TYW1B: variants seen among roughly 807,000 people sequenced by gnomAD.
TYW1B encodes S-adenosyl-L-methionine-dependent tRNA 4-demethylwyosine synthase TYW1B.
TYW1B carries 73 observed loss-of-function variants against 86.9 expected under a neutral mutation model. The ratio of observed to expected loss-of-function variants is 0.84; its 90% CI spans 0.70 to 1.02. TYW1B has a LOEUF of 1.02. Among genes scored for constraint, TYW1B ranks in the 50% least tolerant of loss-of-function variants. The pLI is 0.00. For missense variants in TYW1B, 637 were observed against 827.4 expected (o/e 0.77, Z 2.82); for synonymous variants, 248 against 292.8 (o/e 0.85, Z 1.56).
At chr7:72,812,187 G>A (rs1451855392) in intron 3 of TYW1B, among the ~76,000 whole-genome samples, 1 of 150,772 alleles carries the variant, frequency 6.6e-6, no homozygotes, top group Non-Finnish European at 1.5e-5. Context: ...CCTTGGGGAT[G>A]TATCAAGTCT....
At chr7:72,754,000 T>C (rs1199849248) in intron 7 of TYW1B, among the ~76,000 whole-genome samples, 2 of 152,166 alleles carry the variant, frequency 1.3e-5, no homozygotes. Context: ...ATCTCCAAGG[T>C]ACGCCTGTCA....
intron 7 of TYW1B, among the ~76,000 whole-genome samples, chr7:72,746,228 T>C (rs1554463792): frequency 6.6e-6 from 1 of 152,050 alleles, no homozygotes; most frequent in African/African-American, 2.4e-5. Context: ...TAACTATTTT[T>C]TGTTCTAATT....
At chr7:72,651,537 C>G (rs1554442798) in intron 11 of TYW1B, among the ~76,000 whole-genome samples, 1 of 152,166 alleles carries the variant, frequency 6.6e-6, no homozygotes, top group Non-Finnish European at 1.5e-5. Flanking sequence ...ATTGCTTGAA[C>G]CCGGGAGGCA....
intron 11 of TYW1B, among the ~76,000 whole-genome samples, chr7:72,682,363 A>G (rs1251049665): frequency 6.6e-6 from 1 of 152,244 alleles, no homozygotes; most frequent in African/African-American, 2.4e-5. Context: ...GGAATGACAT[A>G]AAAATGAATG....
At chr7:72,800,763 AT>A (rs1554475457) in intron 6 of TYW1B, among the ~76,000 whole-genome samples, 1 of 150,324 alleles carries the variant, frequency 6.7e-6, no homozygotes, top group African/African-American at 2.4e-5. Flanking sequence ...CATCCTTCTC[AT>A]CACTACTTTC....
chr7:72,685,439 T>C (rs2960948), intron 11 of TYW1B, among the ~76,000 whole-genome samples: 118,148 of 152,062 alleles, frequency 0.78, 46,542 homozygotes, highest in Middle Eastern at 0.86. Flanking sequence ...CTGAAATGTA[T>C]GTGATATTGT....
At chr7:72,674,781 G>C (rs1161629917) in intron 11 of TYW1B, among the ~76,000 whole-genome samples, 2 of 97,646 alleles carry the variant, frequency 2.0e-5, no homozygotes, top group Non-Finnish European at 4.4e-5. Flanking sequence ...TTTTTTTAAA[G>C]AGATGGGGTC....
chr7:72,650,449 A>C (rs1419138665), intron 11 of TYW1B, among the ~76,000 whole-genome samples: 1 of 152,200 alleles, frequency 6.6e-6, no homozygotes, highest in African/African-American at 2.4e-5. Context: ...CCCAGAAAGA[A>C]GAGTAGACCA....
intron 7 of TYW1B, among the ~76,000 whole-genome samples, chr7:72,774,825 C>T (rs1554470293): frequency 6.6e-6 from 1 of 152,008 alleles, no homozygotes; most frequent in Admixed American, 6.6e-5. Context: ...AGCATGCAAA[C>T]AGACAGGAAA....
At chr7:72,773,696 G>A (rs1787904477) in intron 7 of TYW1B, among the ~76,000 whole-genome samples, 4 of 152,182 alleles carry the variant, frequency 2.6e-5, no homozygotes, top group African/African-American at 7.2e-5. Flanking sequence ...CCAAGGATGG[G>A]AAAGAACCAT....
chr7:72,579,829 T>C (rs1432917310), intron 13 of TYW1B, among the ~76,000 whole-genome samples: 1 of 152,162 alleles, frequency 6.6e-6, no homozygotes, highest in African/African-American at 2.4e-5. Context: ...TTTTAAATTT[T>C]CTGTAGAGAA....
At chr7:72,693,722 G>A (rs189103305) in intron 11 of TYW1B, among the ~76,000 whole-genome samples, 26 of 152,070 alleles carry the variant, frequency 1.7e-4, no homozygotes, top group Non-Finnish European at 2.9e-4. Flanking sequence ...AGGTGGTTAC[G>A]TACAGTCGGT....
At chr7:72,827,361 T>C (rs1380087779) in intron 1 of TYW1B, among the ~76,000 whole-genome samples, 1 of 152,094 alleles carries the variant, frequency 6.6e-6, no homozygotes, top group African/African-American at 2.4e-5. Context: ...TGAGCCAAGA[T>C]TGCGCCACCG....
chr7:72,720,858 C>A (rs1351123023), intron 9 of TYW1B, among the ~76,000 whole-genome samples: 7 of 151,968 alleles, frequency 4.6e-5, no homozygotes, highest in Admixed American at 6.6e-5. Flanking sequence ...GTTAACTCGT[C>A]ATTTACATTA....
At chr7:72,689,616 G>A (rs7800425) in intron 11 of TYW1B, among the ~76,000 whole-genome samples, 133,165 of 152,154 alleles carry the variant, frequency 0.88, 58,360 homozygotes, top group Middle Eastern at 0.9. Context: ...TAACATGACA[G>A]TCATAGAGAA....
intron 7 of TYW1B, among the ~76,000 whole-genome samples, chr7:72,745,509 G>T (rs78102763): frequency 6.6e-6 from 1 of 152,078 alleles, no homozygotes; most frequent in African/African-American, 2.4e-5. Flanking sequence ...ATCAACTAGG[G>T]ATGGAATCAA....
chr7:72,771,242 G>C (rs1215845218), intron 7 of TYW1B, among the ~76,000 whole-genome samples: 1 of 152,056 alleles, frequency 6.6e-6, no homozygotes, highest in South Asian at 2.1e-4. Context: ...GATTACAGGC[G>C]TGAGCCACTG....
rs188720912 is a variant in TYW1B, at chr7:72,592,117, C to T, written c.1786-16398G>A. ...GGATTACAGGCGTCAGCCACCACAC[C>T]CAGCCTCTATGTTTTGTTTTCTATG... On this transcript the variant is annotated intron_variant, in intron 13 of 13. Transcript: ENST00000620995. Among the ~76,000 whole-genome samples the T allele has an allele frequency of 3.5e-3, 527 of 148,638 alleles. 3 individuals carry two copies. The highest frequency in any genetic ancestry group is 5.0e-3 in the Non-Finnish European group (341 of 67,682).
chr7:72,775,885 T>C (rs1440963948), intron 7 of TYW1B, among the ~76,000 whole-genome samples: 7 of 152,194 alleles, frequency 4.6e-5, no homozygotes, highest in Non-Finnish European at 8.8e-5. Flanking sequence ...ATTCTAAGTA[T>C]ATAAATCTTT....
Sources: gnomAD v4.1 joint callset for allele counts (sites outside exome capture counted in the v4.1 genomes callset) on GRCh38, gnomAD v4.1.1 for gene constraint, MANE v1.5 for transcripts, NCBI Gene and HGNC (gene_info 2026-07-23, HGNC 2026-07-21) for gene names.